Variants in ASXL3 observed in about 807,000 individuals in gnomAD.
ASXL3 encodes putative Polycomb group protein ASXL3.
A neutral mutation model predicts 170.6 loss-of-function variants in ASXL3; 34 were observed. That is an observed-to-expected ratio of 0.20 (90% CI 0.15 to 0.27). The LOEUF (loss-of-function observed/expected upper bound fraction) is 0.27, where lower values mean the gene tolerates loss of function less well. Ranked by LOEUF, ASXL3 falls within the 10% of genes least tolerant of loss-of-function variation. The pLI, the probability that ASXL3 is intolerant of heterozygous loss-of-function variation, is 1.00. For missense variants in ASXL3, 2,592 were observed against 2,695.3 expected (o/e 0.96, Z 0.85); for synonymous variants, 1,002 against 989.1 (o/e 1.01, Z -0.24).
At chr18:33,696,027 G>A (rs960290984) in intron 8 of ASXL3, among the ~76,000 whole-genome samples, 10 of 152,184 alleles carry the variant, frequency 6.6e-5, no homozygotes, top group Admixed American at 4.6e-4. Context: ...AATCATGCAT[G>A]TGGTAGATTA....
rs1003947020 is a variant in ASXL3, at chr18:33,750,972, A to G, written c.*4377A>G. 1 of 152,230 alleles carries G rather than the reference A, an allele frequency of 6.6e-6. No homozygotes were observed. Among genetic ancestry groups the G allele is most frequent in the Non-Finnish European group, 1.5e-5 (1 of 68,040 alleles). The allele number at this position is 152,230 out of a possible 1,614,324, so 9.4% of individuals were successfully genotyped here. On this transcript the variant is annotated 3_prime_UTR_variant, in exon 12 of 12. Transcript: ENST00000269197. ...AAAATTTTTAGACAGTGTTTTGTTT[A>G]GAATTCAGGGATCATGCATTCTTTA...
intron 5 of ASXL3, among the ~76,000 whole-genome samples, chr18:33,664,822 C>T (rs986420915): frequency 9.9e-5 from 15 of 152,134 alleles, no homozygotes; most frequent in East Asian, 1.9e-4. Flanking sequence ...TGTCCCTTGA[C>T]GATTGACATG....
Position 33,743,371 on chromosome 18 carries a change from C to T in ASXL3, c.3523C>T (p.Leu1175Phe). Residue 1175 changes from leucine (L) to phenylalanine (F), a missense_variant, in exon 12 of 12, where the codon CTC (leucine) becomes TTC (phenylalanine). Transcript: ENST00000269197. Reference sequence around the variant, plus strand: ...ATCTCCTAGCAACAAGTCTGCCCACCTCCGGGAGACCACCACTGTACTACA... The same window carrying T: ...ATCTCCTAGCAACAAGTCTGCCCACTTCCGGGAGACCACCACTGTACTACA... Reference protein sequence around the residue: ...CRSPSNKSAHLRETTTVLQQS... With the variant: ...CRSPSNKSAHFRETTTVLQQS... 6.2e-7 allele frequency: 1 copy of T among 1,613,268 alleles called. No homozygotes were observed. The highest frequency in any genetic ancestry group is 8.5e-7 in the Non-Finnish European group (1 of 1,179,854).
intron 8 of ASXL3, among the ~76,000 whole-genome samples, chr18:33,713,265 T>TTTTTTG (rs2067106471): frequency 8.2e-6 from 1 of 121,216 alleles, no homozygotes; most frequent in African/African-American, 3.3e-5. Flanking sequence ...TTTTTTTTTT[T>TTTTTTG]TTTTTTTTTG....
rs536958763 is a variant in ASXL3 at position 33,742,171 on chromosome 18, C to T, written c.3040-717C>T. On this transcript the variant is annotated intron_variant, in intron 11 of 11. Coordinates refer to ENST00000269197, the MANE Select transcript of ASXL3 (RefSeq NM_030632.3). The stretch of plus-strand genomic sequence containing the variant: ...AATACAATCCCTTTGGAAAACAGAA[C>T]ACGCTGACAAATGTAGTCTCATTCC... 1.3e-3 allele frequency among the ~76,000 whole-genome samples: 198 copies of T among 152,180 alleles called. 2 individuals are homozygous for T. The highest frequency in any genetic ancestry group is 2.3e-3 in the Non-Finnish European group (156 of 68,028).
At chr18:33,740,484 C>A (rs2067645074) in intron 11 of ASXL3, 41 bp downstream of exon 11, 2 of 1,466,432 alleles carry the variant, frequency 1.4e-6, no homozygotes, top group African/African-American at 2.8e-5. Flanking sequence ...CGTAGATAGG[C>A]TTTTCCTATT....
chr18:33,641,325 C>T (rs1447296297), intron 2 of ASXL3, among the ~76,000 whole-genome samples: 1 of 152,008 alleles, frequency 6.6e-6, no homozygotes, highest in Non-Finnish European at 1.5e-5. Flanking sequence ...CCTCCAGATT[C>T]CACCCCGTTC....
At chr18:33,617,124 A>G (rs575637183) in intron 2 of ASXL3, among the ~76,000 whole-genome samples, 2 of 152,242 alleles carry the variant, frequency 1.3e-5, no homozygotes, top group South Asian at 2.1e-4. Context: ...CCATGGTTCT[A>G]TTTTTGCTTA....
chr18:33,594,257 T>G (rs1221494209), intron 1 of ASXL3, among the ~76,000 whole-genome samples: 1 of 152,174 alleles, frequency 6.6e-6, no homozygotes, highest in Admixed American at 6.5e-5. Flanking sequence ...GAGTCCTAAT[T>G]TAGGGTTGGC....
intron 8 of ASXL3, among the ~76,000 whole-genome samples, chr18:33,718,460 T>C (rs1054257746): frequency 1.3e-5 from 2 of 152,036 alleles, no homozygotes; most frequent in African/African-American, 4.8e-5. Context: ...TCTCCATCGG[T>C]TGGGAGTGAG....
chr18:33,618,321 G>A (rs1031673954), intron 2 of ASXL3, among the ~76,000 whole-genome samples: 1 of 152,036 alleles, frequency 6.6e-6, no homozygotes, highest in Non-Finnish European at 1.5e-5. Flanking sequence ...GCCTGTGCTG[G>A]TGCAGTGCAA....
intron 2 of ASXL3, among the ~76,000 whole-genome samples, chr18:33,642,835 G>A (rs776031148): frequency 3.3e-4 from 50 of 151,786 alleles, no homozygotes; most frequent in Non-Finnish European, 6.5e-4. Flanking sequence ...ACCTTAGAAA[G>A]GAAATGTAAA....
intron 1 of ASXL3, among the ~76,000 whole-genome samples, chr18:33,585,342 C>G (rs746141799): frequency 1.2e-4 from 19 of 152,002 alleles, no homozygotes; most frequent in Middle Eastern, 6.8e-3. Context: ...CTAGCCCTGA[C>G]GGAAACTTTC....
chr18:33,664,922 A>T (rs1309588447), intron 5 of ASXL3, among the ~76,000 whole-genome samples: 1 of 152,224 alleles, frequency 6.6e-6, no homozygotes, highest in Admixed American at 6.5e-5. Flanking sequence ...GCATAATTGC[A>T]TGAATAACAT....
chr18:33,677,157 A>G (rs944342240), intron 7 of ASXL3, among the ~76,000 whole-genome samples: 2 of 152,178 alleles, frequency 1.3e-5, no homozygotes, highest in African/African-American at 4.8e-5. Context: ...ATTCATTCCA[A>G]TGTATTTTAT....
chr18:33,725,299 ACT>A (rs1037345056), intron 8 of ASXL3, among the ~76,000 whole-genome samples: 1 of 152,116 alleles, frequency 6.6e-6, no homozygotes, highest in Non-Finnish European at 1.5e-5. Flanking sequence ...TACTGCACAC[ACT>A]GTTTACCTTA....
chr18:33,744,976 G>A lies in ASXL3; in HGVS notation c.5128G>A (p.Ala1710Thr), dbSNP rs2067750482. The stretch of plus-strand genomic sequence containing the variant: ...TGTACAACAAACACAGAACATGAAA[G>A]CTTCCACCTCAAGTCCCATGGAAGA... ...SSVQQTQNMK[A>T]STSSPMEEAI... The change falls in exon 12 of 12, where the codon GCT (alanine) becomes ACT (threonine). Residue 1710 changes from alanine to threonine, a missense_variant. Around this residue, in one of 4 missense-constraint regions of ASXL3, gnomAD observed 2,246 missense variants for 2,219.6 expected, o/e 1.01. Transcript: ENST00000269197. 1 of 1,613,968 alleles carries A rather than the reference G, an allele frequency of 6.2e-7. No homozygotes were observed. Among genetic ancestry groups the A allele is most frequent in the Non-Finnish European group, 8.5e-7 (1 of 1,179,892 alleles).
chr18:33,710,711 T>C (rs1407531170), intron 8 of ASXL3, among the ~76,000 whole-genome samples: 5 of 152,134 alleles, frequency 3.3e-5, no homozygotes, highest in African/African-American at 4.8e-5. Flanking sequence ...GTAGATCTAT[T>C]GGTGAAGGTT....
intron 1 of ASXL3, among the ~76,000 whole-genome samples, chr18:33,588,651 T>C (rs954429266): frequency 6.6e-6 from 1 of 152,118 alleles, no homozygotes; most frequent in African/African-American, 2.4e-5. Flanking sequence ...AAATACACAT[T>C]CAGGAGAATC....
Sources: gnomAD v4.1 joint callset for allele counts (sites outside exome capture counted in the v4.1 genomes callset) on GRCh38, gnomAD v4.1.1 for gene constraint, gnomAD v4.1.1 regional missense constraint, MANE v1.5 for transcripts, NCBI Gene and HGNC (gene_info 2026-07-23, HGNC 2026-07-21) for gene names.